Variants in ZHX2 observed in about 807,000 individuals in gnomAD.
ZHX2 encodes the protein zinc fingers and homeoboxes 2, also known as zinc fingers and homeoboxes protein 2.
A neutral mutation model predicts 21.9 loss-of-function variants in ZHX2; 6 were observed. The observed-to-expected ratio is 0.27, with a 90% CI of 0.15 to 0.54. ZHX2 has a LOEUF of 0.54. Among genes scored for constraint, ZHX2 ranks in the 20% least tolerant of loss-of-function variants. The pLI is 0.95. For missense variants in ZHX2, 908 were observed against 1,090.7 expected, an observed-to-expected ratio of 0.83 and a Z score of 2.36; for synonymous variants, 434 against 437.1, an observed-to-expected ratio of 0.99 and a Z score of 0.09.
At chr8:122,967,245 T>C (rs1444782116) in intron 3 of ZHX2, among the ~76,000 whole-genome samples, 8 of 152,222 alleles carry the variant, frequency 5.3e-5, no homozygotes, top group Non-Finnish European at 1.2e-4. Context: ...TTACCAGAAT[T>C]ACTTTTCTGT....
At chr8:122,924,713 A>G (rs372807562) in intron 2 of ZHX2, among the ~76,000 whole-genome samples, 29 of 152,292 alleles carry the variant, frequency 1.9e-4, no homozygotes, top group Admixed American at 5.2e-4. Flanking sequence ...CCCTCAGTAC[A>G]TACTTTACTG....
chr8:122,827,298 A>C (rs978799020), intron 1 of ZHX2, among the ~76,000 whole-genome samples: 1 of 152,196 alleles, frequency 6.6e-6, no homozygotes, highest in Non-Finnish European at 1.5e-5. Flanking sequence ...TTGGCTTCCC[A>C]AAGTGCTGGG....
At chr8:122,958,396 G>C (rs148727047) in intron 3 of ZHX2, among the ~76,000 whole-genome samples, 6 of 152,296 alleles carry the variant, frequency 3.9e-5, no homozygotes, top group Admixed American at 6.5e-5. Context: ...ATGAGTCAAC[G>C]TACTTGAGCA....
At chr8:122,903,520 G>A (rs1820279115) in intron 2 of ZHX2, among the ~76,000 whole-genome samples, 1 of 152,188 alleles carries the variant, frequency 6.6e-6, no homozygotes, top group South Asian at 2.1e-4. Context: ...TGTGTGCAGG[G>A]ATGGAGTGAG....
At chr8:122,806,248 A>C (rs1817821034) in intron 1 of ZHX2, among the ~76,000 whole-genome samples, 1 of 152,210 alleles carries the variant, frequency 6.6e-6, no homozygotes, top group Non-Finnish European at 1.5e-5. Flanking sequence ...TGTGGGGCTT[A>C]GGTTGAACTG....
intron 1 of ZHX2, among the ~76,000 whole-genome samples, chr8:122,829,176 G>A (rs182057283): frequency 1.3e-5 from 2 of 152,340 alleles, no homozygotes; most frequent in Non-Finnish European, 2.9e-5. Flanking sequence ...GACAGATCAA[G>A]CAGCTTGCCT....
chr8:122,861,035 CAAA>C (rs36046690), intron 1 of ZHX2, among the ~76,000 whole-genome samples: 51 of 66,762 alleles, frequency 7.6e-4, no homozygotes, highest in South Asian at 1.8e-3. Context: ...GACTTCGTCT[CAAA>C]AAAAAAAAAA....
intron 1 of ZHX2, among the ~76,000 whole-genome samples, chr8:122,821,362 CTG>C (rs1386815424): frequency 1.3e-5 from 2 of 152,150 alleles, no homozygotes; most frequent in Non-Finnish European, 2.9e-5. Flanking sequence ...TGTGCCTCCT[CTG>C]TGAGCAGGCT....
intron 1 of ZHX2, among the ~76,000 whole-genome samples, chr8:122,818,082 G>A (rs1818070495): frequency 6.6e-6 from 1 of 152,038 alleles, no homozygotes; most frequent in African/African-American, 2.4e-5. Context: ...ATTTGCTCTT[G>A]GCTTCGGAGG....
At chr8:122,811,911 T>C (rs1817938383) in intron 1 of ZHX2, 1 of 152,214 alleles carries the variant, frequency 6.6e-6, no homozygotes, top group Non-Finnish European at 1.5e-5. Context: ...ACCTGTTTTG[T>C]ACCTGGTTCT....
At chr8:122,793,389 C>T (rs187619423) in intron 1 of ZHX2, among the ~76,000 whole-genome samples, 1 of 152,332 alleles carries the variant, frequency 6.6e-6, no homozygotes, top group African/African-American at 2.4e-5. Flanking sequence ...CAGAGCCCAG[C>T]ACTGGCTCCA....
intron 2 of ZHX2, among the ~76,000 whole-genome samples, chr8:122,878,640 C>T (rs945107795): frequency 9.9e-5 from 15 of 152,120 alleles, no homozygotes; most frequent in African/African-American, 3.6e-4. Context: ...TGAACCAAAG[C>T]AAGTGACATG....
At chr8:122,865,350 G>A (rs192669784) in intron 2 of ZHX2, among the ~76,000 whole-genome samples, 5,180 of 152,024 alleles carry the variant, frequency 0.034, 163 homozygotes, top group African/African-American at 0.071. Flanking sequence ...GGATGGTCTC[G>A]ATCTCCTGAC....
At chr8:122,885,213 C>G (rs1453030832) in intron 2 of ZHX2, among the ~76,000 whole-genome samples, 1 of 152,206 alleles carries the variant, frequency 6.6e-6, no homozygotes, top group South Asian at 2.1e-4. Flanking sequence ...ACCTTTCTGG[C>G]TCATGGAAGT....
intron 1 of ZHX2, among the ~76,000 whole-genome samples, chr8:122,784,963 G>T (rs1247067783): frequency 2.0e-5 from 3 of 152,238 alleles, no homozygotes; most frequent in African/African-American, 7.2e-5. Flanking sequence ...AGCACTGCAT[G>T]CTCCAGACAT....
intron 3 of ZHX2, among the ~76,000 whole-genome samples, chr8:122,957,661 G>A (rs1306907424): frequency 6.6e-6 from 1 of 152,202 alleles, no homozygotes; most frequent in African/African-American, 2.4e-5. Flanking sequence ...AGTAGAGGTG[G>A]GGTTTCACCA....
intron 1 of ZHX2, among the ~76,000 whole-genome samples, chr8:122,850,499 G>A (rs1404121356): frequency 6.6e-6 from 1 of 152,062 alleles, no homozygotes; most frequent in Non-Finnish European, 1.5e-5. Context: ...AATTAGCCAG[G>A]CATGGTGGTG....
intron 2 of ZHX2, among the ~76,000 whole-genome samples, chr8:122,900,222 G>A (rs1047868847): frequency 6.6e-6 from 1 of 151,952 alleles, no homozygotes; most frequent in Non-Finnish European, 1.5e-5. Flanking sequence ...TCTGCAGGCT[G>A]TACAAGAAGC....
chr8:122,948,371 A>G (rs966144249), intron 2 of ZHX2, among the ~76,000 whole-genome samples: 3 of 151,768 alleles, frequency 2.0e-5, no homozygotes, highest in Admixed American at 6.6e-5. Flanking sequence ...TCAGCTCTCT[A>G]TTCTCGGTTC....
Sources: gnomAD v4.1 joint callset for allele counts (sites outside exome capture counted in the v4.1 genomes callset) on GRCh38, gnomAD v4.1.1 for gene constraint, MANE v1.5 for transcripts, NCBI Gene and HGNC (gene_info 2026-07-23, HGNC 2026-07-21) for gene names.